THSD7A: variants seen among roughly 807,000 people sequenced by gnomAD.
THSD7A encodes the protein thrombospondin type-1 domain-containing protein 7A.
A neutral mutation model predicts 231.3 loss-of-function variants in THSD7A; 96 were observed. That is an observed-to-expected ratio of 0.41 (90% CI 0.35 to 0.49). THSD7A has a LOEUF of 0.49. THSD7A is among the 20% of genes least tolerant of loss of function. THSD7A has a pLI of 0.05. For missense variants in THSD7A, 2,290 were observed against 2,070.2 expected (o/e 1.11, Z -2.06); for synonymous variants, 940 against 743.3 (o/e 1.26, Z -4.30).
chr7:11,480,798 C>G (rs1483534285), intron 7 of THSD7A, among the ~76,000 whole-genome samples: 1 of 152,042 alleles, frequency 6.6e-6, no homozygotes. Context: ...CACTAAAATA[C>G]TTCATGAACA....
At chr7:11,457,069 A>G (rs1363393367) in intron 11 of THSD7A, among the ~76,000 whole-genome samples, 1 of 152,102 alleles carries the variant, frequency 6.6e-6, no homozygotes. Flanking sequence ...TCTATTAATG[A>G]TAAGGTATAA....
chr7:11,729,191 T>C (rs1781642843), intron 1 of THSD7A, among the ~76,000 whole-genome samples: 2 of 151,890 alleles, frequency 1.3e-5, no homozygotes, highest in South Asian at 4.1e-4. Context: ...TTTGGGAAGG[T>C]TGTTCATTGT....
intron 23 of THSD7A, among the ~76,000 whole-genome samples, chr7:11,391,571 T>C (rs1782982299): frequency 6.6e-6 from 1 of 152,120 alleles, no homozygotes. Flanking sequence ...CTTGGCCCCC[T>C]GGCCTCAGCC....
rs73676055 is a variant in THSD7A, at chr7:11,634,723, C to T, written c.1022+1407G>A. On this transcript the variant is annotated intron_variant, in intron 2 of 27. Coordinates refer to ENST00000423059, the MANE Select transcript of THSD7A (RefSeq NM_015204.3). The surrounding 1 kb of genome is among the most constrained non-coding windows in gnomAD (Gnocchi z 4.1). ...CTAGAATGGAAAAAGGGCAAATTACCGTACAGCTGAAATAAAATGCAATCG... is the reference window on the plus strand; with the variant it reads ...CTAGAATGGAAAAAGGGCAAATTACTGTACAGCTGAAATAAAATGCAATCG... Among the ~76,000 whole-genome samples the T allele has an allele frequency of 2.0e-5, 3 of 151,812 alleles. No individual in the cohort carries two copies. Among genetic ancestry groups the T allele is most frequent in the Non-Finnish European group, 4.4e-5 (3 of 67,942 alleles).
At chr7:11,593,873 A>T (rs1277889913) in intron 2 of THSD7A, among the ~76,000 whole-genome samples, 1 of 152,204 alleles carries the variant, frequency 6.6e-6, no homozygotes, top group African/African-American at 2.4e-5. Flanking sequence ...TGTTTAGGGA[A>T]TCAAGTAAAT....
Position 11,378,927 on chromosome 7 carries a change from A to C in THSD7A, c.4801+143T>G, listed in dbSNP as rs187319883. On this transcript the variant is annotated intron_variant, in intron 26 of 27. Transcript: ENST00000423059. ...CCATAATGATAGTAAAAAATTGAAG[A>C]ATAGATGGCACTATCAGAATAAATG... 5,548 of 707,462 alleles carry C rather than the reference A, an allele frequency of 7.8e-3. 34 individuals are homozygous for C. Among genetic ancestry groups the C allele is most frequent in the Non-Finnish European group, 0.011 (4,711 of 433,410 alleles). The allele number at this position is 707,462 out of a possible 1,614,324, so 43.8% of individuals were successfully genotyped here.
chr7:11,525,267 A>AT (rs61225338), intron 6 of THSD7A, among the ~76,000 whole-genome samples: 39,176 of 151,930 alleles, frequency 0.26, 6,236 homozygotes, highest in African/African-American at 0.45. Context: ...CACTGAAGTT[A>AT]TTTAAATTCA....
intron 1 of THSD7A, among the ~76,000 whole-genome samples, chr7:11,804,992 T>C (rs1340505571): frequency 6.6e-6 from 1 of 152,126 alleles, no homozygotes; most frequent in African/African-American, 2.4e-5. Context: ...TTCTGAGAAT[T>C]TGGTAAAGAG....
intron 6 of THSD7A, among the ~76,000 whole-genome samples, chr7:11,483,711 G>A (rs1230092852): frequency 6.6e-6 from 1 of 152,062 alleles, no homozygotes; most frequent in Non-Finnish European, 1.5e-5. Flanking sequence ...CTTCACTGCT[G>A]TCTTTTATTG....
At chr7:11,820,267 C>G (rs992770233) in intron 1 of THSD7A, 1 of 438,156 alleles carries the variant, frequency 2.3e-6, no homozygotes. Context: ...CGCCAGCCAT[C>G]TTTCCAGCAC....
chr7:11,645,171 T>C (rs1782232846), intron 1 of THSD7A, among the ~76,000 whole-genome samples: 1 of 151,930 alleles, frequency 6.6e-6, no homozygotes, highest in South Asian at 2.1e-4. Context: ...TTATTTTAGT[T>C]AAATCTTCAT....
At chr7:11,579,003 A>AT (rs1001747989) in intron 4 of THSD7A, among the ~76,000 whole-genome samples, 1 of 138,568 alleles carries the variant, frequency 7.2e-6, no homozygotes, top group South Asian at 2.6e-4. Context: ...TTCAATGTGC[A>AT]TTTTTTTCTT....
At chr7:11,824,085 G>C (rs1275705954) in intron 1 of THSD7A, among the ~76,000 whole-genome samples, 1 of 152,016 alleles carries the variant, frequency 6.6e-6, no homozygotes, top group East Asian at 1.9e-4. Flanking sequence ...TCAGTGTAAA[G>C]TTCTGATGAA....
intron 9 of THSD7A, among the ~76,000 whole-genome samples, chr7:11,467,072 T>C (rs926464274): frequency 4.6e-5 from 7 of 152,054 alleles, no homozygotes; most frequent in African/African-American, 1.7e-4. Context: ...GAACACATGA[T>C]CTCTCATCTT....
chr7:11,430,376 C>T (rs1208929092), intron 13 of THSD7A, among the ~76,000 whole-genome samples: 5 of 152,152 alleles, frequency 3.3e-5, no homozygotes, highest in Non-Finnish European at 5.9e-5. Flanking sequence ...CTTCCTCATC[C>T]CCTGACAACC....
At chr7:11,563,860 G>A (rs1046033055) in intron 4 of THSD7A, among the ~76,000 whole-genome samples, 1 of 152,058 alleles carries the variant, frequency 6.6e-6, no homozygotes, top group Non-Finnish European at 1.5e-5. Context: ...ATCATAGATC[G>A]CATCCTCTTT....
chr7:11,822,023 T>C (rs186889948), intron 1 of THSD7A, among the ~76,000 whole-genome samples: 1 of 152,264 alleles, frequency 6.6e-6, no homozygotes, highest in African/African-American at 2.4e-5. Flanking sequence ...AAGTATTACC[T>C]AGTTTCCCTC....
intron 4 of THSD7A, among the ~76,000 whole-genome samples, chr7:11,566,610 T>C (rs940179497): frequency 6.6e-6 from 1 of 152,142 alleles, no homozygotes; most frequent in African/African-American, 2.4e-5. Flanking sequence ...TGATAAACAA[T>C]TGCTTGCTAT....
intron 6 of THSD7A, among the ~76,000 whole-genome samples, chr7:11,484,064 C>T (rs751077750): frequency 6.6e-6 from 1 of 150,994 alleles, no homozygotes; most frequent in South Asian, 2.1e-4. Flanking sequence ...AGCTCTTTTT[C>T]AATCATCTTG....
Sources: allele counts gnomAD v4.1 joint callset (sites outside exome capture counted in the v4.1 genomes callset), GRCh38; gene constraint gnomAD v4.1.1; non-coding constraint Gnocchi (gnomAD v3.1); transcripts MANE v1.5; gene names NCBI Gene and HGNC (gene_info 2026-07-23, HGNC 2026-07-21).